PIP5K1C: variants seen among roughly 807,000 people sequenced by gnomAD.
The protein encoded by PIP5K1C is phosphatidylinositol 4-phosphate 5-kinase type-1 gamma.
In PIP5K1C, 45 loss-of-function variants were observed where a neutral mutation model predicts 80.1. The observed-to-expected ratio is 0.56, with a 90% confidence interval of 0.44 to 0.72. The LOEUF (loss-of-function observed/expected upper bound fraction) is 0.72. Among genes scored for constraint, PIP5K1C ranks in the 30% least tolerant of loss-of-function variants. PIP5K1C has a pLI of 0.00. For missense variants in PIP5K1C, 753 were observed against 954.6 expected (o/e 0.79, Z 2.78); for synonymous variants, 498 against 420.1 (o/e 1.19, Z -2.27).
At chr19:3,690,576 C>T (rs554546475) in intron 1 of PIP5K1C, among the ~76,000 whole-genome samples, 1 of 151,846 alleles carries the variant, frequency 6.6e-6, no homozygotes, top group East Asian at 1.9e-4. Flanking sequence ...AACAGGAAGA[C>T]TTTCCCATTC....
intron 1 of PIP5K1C, among the ~76,000 whole-genome samples, chr19:3,676,706 C>T (rs536819997): frequency 2.0e-3 from 311 of 152,254 alleles, no homozygotes; most frequent in Non-Finnish European, 3.9e-3. Flanking sequence ...CGCTGTGATC[C>T]CATCTCCGAA....
intron 5 of PIP5K1C, among the ~76,000 whole-genome samples, chr19:3,660,163 G>A (rs1397208939): frequency 6.6e-6 from 1 of 152,174 alleles, no homozygotes; most frequent in Non-Finnish European, 1.5e-5. Flanking sequence ...GGCAGATCAC[G>A]AGGTCAGGAG....
chr19:3,642,308 G>T (rs968477725), intron 14 of PIP5K1C, among the ~76,000 whole-genome samples: 1 of 152,252 alleles, frequency 6.6e-6, no homozygotes, highest in Non-Finnish European at 1.5e-5. Flanking sequence ...GTTCACAAGA[G>T]TGAGACCCCA....
chr19:3,661,062 G>A lies in PIP5K1C; in HGVS notation c.372C>T (p.Pro124=), dbSNP rs116791909. The change falls in exon 5 of 18, where the codon CCC becomes CCT. Residue 124 remains proline, a synonymous_variant. Transcript: ENST00000335312. ...FFPSEGSNLT[P]AHHFQDFRFK... ...AGCGGAAGTCCTGGAAGTGGTGGGC[G>A]GGGGTGAGGTTGCTGCCTTCGCTGT... 4.4e-4 allele frequency: 704 copies of A among 1,613,830 alleles called. 4 individuals are homozygous for A. The African/African-American group carries it at 7.1e-3, about 16-fold the overall frequency.
chr19:3,678,763 G>A (rs377202870), intron 1 of PIP5K1C, among the ~76,000 whole-genome samples: 6 of 133,430 alleles, frequency 4.5e-5, no homozygotes, highest in African/African-American at 1.4e-4. Flanking sequence ...GGGATGGCGG[G>A]ATGGCAGGAC....
At chr19:3,636,610 C>CGGCTTCGCGGTGGCT in intron 16 of PIP5K1C, 2 of 985,628 alleles carry the variant, frequency 2.0e-6, no homozygotes, top group South Asian at 4.7e-5. Context: ...CTCCGGGGCA[C>CGGCTTCGCGGTGGCT]GGCTTCGCGG....
chr19:3,660,914 C>T lies in PIP5K1C; in HGVS notation c.468+52G>A, dbSNP rs1163709899. 2.1e-6 allele frequency: 3 copies of T among 1,450,450 alleles called. No individual in the cohort carries two copies. The East Asian group carries it at 6.9e-5, about 33-fold the overall frequency. The allele number at this position is 1,450,450 out of a possible 1,614,324, so 89.8% of individuals were successfully genotyped here. A position where few individuals can be genotyped will look rare whatever the true frequency, so the allele number is the denominator to read the frequency against. On this transcript the variant is annotated intron_variant, in intron 5 of 17. Coordinates refer to ENST00000335312, the MANE Select transcript of PIP5K1C (RefSeq NM_012398.3). ...CCTGACCCACAGACCCTCCGAGACCCTGAACATGTTCTGTTTCAAGCCTGG... is the reference window on the plus strand; with the variant it reads ...CCTGACCCACAGACCCTCCGAGACCTTGAACATGTTCTGTTTCAAGCCTGG...
At chr19:3,679,270 C>T (rs375596540) in intron 1 of PIP5K1C, among the ~76,000 whole-genome samples, 2 of 152,200 alleles carry the variant, frequency 1.3e-5, no homozygotes, top group East Asian at 1.9e-4. Context: ...TCCAGTGGGC[C>T]GGGCCCTGTG....
chr19:3,655,107 C>CAAAA (rs545856738), intron 6 of PIP5K1C, among the ~76,000 whole-genome samples: 8 of 45,858 alleles, frequency 1.7e-4, no homozygotes, highest in South Asian at 1.2e-3. Context: ...GACTCCATCT[C>CAAAA]AAAAAAAAAA....
Position 3,637,772 on chromosome 19 carries a change from G to A in PIP5K1C, c.1920+1112C>T. On this transcript the variant is annotated intron_variant, in intron 16 of 17. Transcript: ENST00000335312. The surrounding 1 kb of genome is among the most constrained non-coding windows in gnomAD (Gnocchi z 7.0). ...GCAGAAGGTGGGGGGTGCCGGGGCA[G>A]GGGCAGGACCGAGGACCCTTCTCCC... 3.9e-6 allele frequency: 6 copies of A among 1,532,554 alleles called. No homozygotes were observed. The highest frequency in any genetic ancestry group is 2.1e-4 in the Middle Eastern group (1 of 4,804). The allele number at this position is 1,532,554 out of a possible 1,614,324, so 94.9% of individuals were successfully genotyped here.
At chr19:3,633,566 C>T (rs563010307) in intron 16 of PIP5K1C, 46 bp from the exon 17 acceptor site, 28 of 1,317,864 alleles carry the variant, frequency 2.1e-5, no homozygotes, top group African/African-American at 1.6e-4. Flanking sequence ...GAGCAGGGTG[C>T]GAGGAGGTGC....
At chr19:3,667,832 G>A (rs888108238) in intron 1 of PIP5K1C, among the ~76,000 whole-genome samples, 1 of 152,212 alleles carries the variant, frequency 6.6e-6, no homozygotes, top group East Asian at 1.9e-4. Context: ...GGAGAGGCTC[G>A]GGCATGGGGA....
At chr19:3,670,494 G>A (rs893082223) in intron 1 of PIP5K1C, among the ~76,000 whole-genome samples, 2 of 152,190 alleles carry the variant, frequency 1.3e-5, no homozygotes, top group Non-Finnish European at 2.9e-5. Flanking sequence ...GAGCTTCTCC[G>A]AGGTCGGTCG....
intron 12 of PIP5K1C, among the ~76,000 whole-genome samples, chr19:3,643,609 C>G (rs1159824535): frequency 6.6e-6 from 1 of 152,064 alleles, no homozygotes; most frequent in African/African-American, 2.4e-5. Flanking sequence ...CCCTGTGCAG[C>G]CTGGCCCCGT....
At chr19:3,658,230 G>C (rs1236365913) in intron 5 of PIP5K1C, among the ~76,000 whole-genome samples, 1 of 152,228 alleles carries the variant, frequency 6.6e-6, no homozygotes, top group Non-Finnish European at 1.5e-5. Context: ...TGCGGAGTCA[G>C]CAACAGCCCT....
intron 1 of PIP5K1C, among the ~76,000 whole-genome samples, chr19:3,668,065 G>A (rs560555697): frequency 5.9e-5 from 9 of 151,918 alleles, no homozygotes; most frequent in African/African-American, 9.7e-5. Context: ...TCCTGGGCCC[G>A]CAGCCTCCGG....
At chr19:3,638,563 C>T (rs554724251) in intron 16 of PIP5K1C, among the ~76,000 whole-genome samples, 6 of 152,292 alleles carry the variant, frequency 3.9e-5, no homozygotes, top group East Asian at 1.9e-4. Flanking sequence ...TCCAGGGAGA[C>T]GGGTGGCACA....
chr19:3,663,427 C>T (rs16991985), intron 3 of PIP5K1C, among the ~76,000 whole-genome samples: 2 of 152,172 alleles, frequency 1.3e-5, no homozygotes, highest in Admixed American at 1.3e-4. Flanking sequence ...TTCACCTCCC[C>T]GAGATGCCAC....
At position 3,653,449 on chromosome 19, in the gene PIP5K1C, G is replaced by A; in HGVS notation, c.762C>T (p.Leu254=). ...CGCGCCGCTTGTAGGTGGAGCCCTT[G>A]AGGTCGAACTTGAGGTGCATCTTGA... ...RVVKMHLKFD[L]KGSTYKRRAS... The change falls in exon 7 of 18, where the codon CTC becomes CTT. Residue 254 remains leucine (L), a synonymous_variant. Transcript: ENST00000335312. 2.5e-6 allele frequency: 4 copies of A among 1,613,766 alleles called. No homozygotes were observed. Among genetic ancestry groups the A allele is most frequent in the Non-Finnish European group, 3.4e-6 (4 of 1,180,024 alleles).
Sources: gnomAD v4.1 joint callset for allele counts (sites outside exome capture counted in the v4.1 genomes callset) on GRCh38, gnomAD v4.1.1 for gene constraint, Gnocchi (gnomAD v3.1) non-coding constraint, MANE v1.5 for transcripts, NCBI Gene and HGNC (gene_info 2026-07-23, HGNC 2026-07-21) for gene names.